The following STK10 variants were observed in gnomAD, a reference collection of about 807,000 sequenced individuals.
STK10 encodes the protein serine/threonine-protein kinase 10.
A neutral mutation model predicts 113.8 loss-of-function variants in STK10; 78 were observed. The ratio of observed to expected loss-of-function variants is 0.69; its 90% CI spans 0.57 to 0.83. The LOEUF (loss-of-function observed/expected upper bound fraction) is 0.83, where lower values mean the gene tolerates loss of function less well. Ranked by LOEUF, STK10 falls within the 40% of genes least tolerant of loss-of-function variation. STK10 has a pLI of 0.00. For missense variants in STK10, 1,109 were observed against 1,280.1 expected, an observed-to-expected ratio of 0.87 and a Z score of 2.04; for synonymous variants, 465 against 494.7, an observed-to-expected ratio of 0.94 and a Z score of 0.80.
chr5:172,183,709 G>A (rs1158235615), intron 1 of STK10, among the ~76,000 whole-genome samples: 3 of 152,068 alleles, frequency 2.0e-5, no homozygotes, highest in African/African-American at 7.2e-5. Flanking sequence ...CACCAGCCTC[G>A]GCCTCCCAAA....
chr5:172,077,022 G>A (rs1452067795), intron 12 of STK10, among the ~76,000 whole-genome samples: 1 of 152,196 alleles, frequency 6.6e-6, no homozygotes, highest in African/African-American at 2.4e-5. Context: ...GGGACCACTT[G>A]ACAAAGGGGC....
intron 2 of STK10, among the ~76,000 whole-genome samples, chr5:172,131,158 C>T (rs13153313): frequency 6.6e-6 from 1 of 151,790 alleles, no homozygotes; most frequent in African/African-American, 2.4e-5. Context: ...CTCAGCCTCC[C>T]GAGTAGCTGG....
chr5:172,150,430 G>A (rs1057223224), intron 2 of STK10, among the ~76,000 whole-genome samples: 5 of 149,882 alleles, frequency 3.3e-5, no homozygotes, highest in South Asian at 2.1e-4. Flanking sequence ...GCAGTGAGCC[G>A]AGATCACGCC....
intron 12 of STK10, among the ~76,000 whole-genome samples, chr5:172,069,932 C>T (rs1016077443): frequency 6.6e-6 from 1 of 152,184 alleles, no homozygotes; most frequent in East Asian, 1.9e-4. Context: ...AGCCATAATA[C>T]ATTTTTAAAA....
intron 2 of STK10, among the ~76,000 whole-genome samples, chr5:172,154,542 G>A (rs564686571): frequency 2.6e-5 from 4 of 152,268 alleles, no homozygotes; most frequent in East Asian, 3.9e-4. Flanking sequence ...AAGGCAAATC[G>A]GAGGAGCTGG....
Position 172,057,407 on chromosome 5 carries a change from T to C in STK10, c.2279A>G (p.Gln760Arg). 6.4e-7 allele frequency: 1 copy of C among 1,554,648 alleles called. No individual in the cohort carries two copies. The highest frequency in any genetic ancestry group is 1.2e-5 in the South Asian group (1 of 84,440). The change falls in exon 15 of 19, where the codon CAG becomes CGG. Residue 760 changes from glutamine (Q) to arginine (R), a missense_variant. By Grantham distance (43) the Gln-to-Arg change is conservative (BLOSUM62 1). Transcript: ENST00000176763. Reference protein sequence around the residue: ...QLQERHQLVKQQLKDQYFLQR... With the variant: ...QLQERHQLVKRQLKDQYFLQR... Reference sequence around the variant, plus strand: ...GAGGAAGTACTGGTCTTTGAGCTGCTGCTTCACCAGCTGGTGCCTCTCCTG... The same window carrying C: ...GAGGAAGTACTGGTCTTTGAGCTGCCGCTTCACCAGCTGGTGCCTCTCCTG...
chr5:172,136,538 A>G (rs1769863783), intron 2 of STK10, among the ~76,000 whole-genome samples: 1 of 152,238 alleles, frequency 6.6e-6, no homozygotes, highest in Non-Finnish European at 1.5e-5. Context: ...CAGAGCTTGC[A>G]GTGAGCCAAG....
chr5:172,162,276 G>A (rs1770487299), intron 1 of STK10, among the ~76,000 whole-genome samples: 1 of 151,990 alleles, frequency 6.6e-6, no homozygotes, highest in African/African-American at 2.4e-5. Context: ...GGAAGGTGGA[G>A]GTGCAGTGAG....
chr5:172,105,163 C>A (rs903792161), intron 7 of STK10, among the ~76,000 whole-genome samples: 1 of 148,460 alleles, frequency 6.7e-6, no homozygotes. Context: ...CCTGCTCCCC[C>A]ACCTCCCACC....
In STK10 at chr5:172,093,446, G is replaced by GAC. The variant is rs1198597196; in HGVS notation, c.1518_1519dup (p.Ser507CysfsTer3). The GAC allele has an allele frequency of 6.2e-7, 1 of 1,609,898 alleles. No homozygotes were observed. The highest frequency in any genetic ancestry group is 8.5e-7 in the Non-Finnish European group (1 of 1,176,848). ...CAGAGAGCCCATCTCTTTGTTCAGC[G>GAC]ACAGGTCAGTGGAGAGATTGGTACC... On this transcript the variant is annotated frameshift_variant, in exon 9 of 19. Transcript: ENST00000176763. LOFTEE classifies it high-confidence loss of function. This position sits in a 1 kb window ranked among gnomAD's most constrained non-coding sequence, Gnocchi z 4.1.
intron 1 of STK10, among the ~76,000 whole-genome samples, chr5:172,171,693 C>T (rs997252077): frequency 1.9e-5 from 2 of 107,942 alleles, no homozygotes; most frequent in Admixed American, 9.2e-5. Context: ...CCAACCTGAG[C>T]GACAGAGTGA....
intron 7 of STK10, among the ~76,000 whole-genome samples, chr5:172,098,466 C>T (rs749147639): frequency 3.0e-4 from 45 of 152,116 alleles, no homozygotes; most frequent in Admixed American, 6.6e-5. Flanking sequence ...GCGGCAGGAG[C>T]CATGAGACGG....
chr5:172,075,142 C>T (rs981552261), intron 12 of STK10, among the ~76,000 whole-genome samples: 1 of 150,928 alleles, frequency 6.6e-6, no homozygotes, highest in African/African-American at 2.4e-5. Flanking sequence ...TGCATTCCAT[C>T]CTGGAAGGCA....
intron 7 of STK10, among the ~76,000 whole-genome samples, chr5:172,100,161 T>C (rs950640320): frequency 3.3e-5 from 5 of 152,136 alleles, no homozygotes; most frequent in Non-Finnish European, 7.4e-5. Context: ...GCCAGAGATG[T>C]GTTTAGAGGC....
At position 172,061,212 on chromosome 5, in the gene STK10, G is replaced by A; in HGVS notation, c.2139C>T (p.Leu713=). ...KEDLELAMKR[L]TTDNRREICD... ...AGATCTCCCGCCTGTTGTCGGTGGT[G>A]AGCCTCTTCATGGCCAGCTCCAGGT... is the stretch of plus-strand genomic sequence containing the variant. Residue 713 remains leucine (L), a synonymous_variant, in exon 14 of 19, where the codon CTC becomes CTT. Transcript: ENST00000176763. The A allele has an allele frequency of 6.2e-7, 1 of 1,613,348 alleles. No homozygotes were observed. Among genetic ancestry groups the A allele is most frequent in the Non-Finnish European group, 8.5e-7 (1 of 1,179,894 alleles).
At position 172,147,524 on chromosome 5, in the gene STK10, TGGGACCAC is replaced by T. The variant is rs1770110075; in HGVS notation, c.321+9092_321+9099del. On this transcript the variant is annotated intron_variant, in intron 2 of 18. Transcript: ENST00000176763. Reference sequence around the variant, plus strand: ...CTCCTGCCTCAGCCTCCCGAATAGCTGGGACCACAGGCACATGTCACCATGCCCAGCTA... The same window carrying T: ...CTCCTGCCTCAGCCTCCCGAATAGCTAGGCACATGTCACCATGCCCAGCTA... Among the ~76,000 whole-genome samples, 2 of 152,114 alleles carry T rather than the reference TGGGACCAC, an allele frequency of 1.3e-5. 1 individual carries two copies. The highest frequency in any genetic ancestry group is 4.1e-4 in the South Asian group (2 of 4,828).
rs531830835 is a variant in STK10 at position 172,130,831 on chromosome 5, G to A, written c.322-3410C>T. On this transcript the variant is annotated intron_variant, in intron 2 of 18. Coordinates refer to ENST00000176763, the MANE Select transcript of STK10 (RefSeq NM_005990.4). ...AAAGCCACACAGTTAATATGTGTTT[G>A]TTAAATCTCTACCAAATGAAATCAC... Among the ~76,000 whole-genome samples, 70 of 152,240 alleles carry A rather than the reference G, an allele frequency of 4.6e-4. 1 individual carries two copies. In the South Asian group the frequency reaches 0.01, roughly 23 times the overall value.
At position 172,081,083 on chromosome 5, in the gene STK10, T is replaced by C. The variant is rs183646241; in HGVS notation, c.1989+1243A>G. Among the ~76,000 whole-genome samples the C allele has an allele frequency of 1.5e-3, 228 of 152,240 alleles. 2 individuals carry two copies. The highest frequency in any genetic ancestry group is 1.5e-3 in the Non-Finnish European group (105 of 68,012). ...AAGAATCATGCTAAGCTGGGCATGG[T>C]GGCTCATGCCTATAACCTCAGTACT... On this transcript the variant is annotated intron_variant, in intron 12 of 18. Coordinates refer to ENST00000176763, the MANE Select transcript of STK10 (RefSeq NM_005990.4).
intron 10 of STK10, among the ~76,000 whole-genome samples, chr5:172,088,644 C>T (rs749094136): frequency 5.9e-5 from 9 of 152,144 alleles, no homozygotes; most frequent in Non-Finnish European, 1.0e-4. Flanking sequence ...AGGCCTGGCC[C>T]CCAGGGGACT....
Sources: gnomAD v4.1 joint callset for allele counts (sites outside exome capture counted in the v4.1 genomes callset) on GRCh38, gnomAD v4.1.1 for gene constraint, Gnocchi (gnomAD v3.1) non-coding constraint, MANE v1.5 for transcripts, NCBI Gene and HGNC (gene_info 2026-07-23, HGNC 2026-07-21) for gene names.